XYLT1: variants seen among roughly 807,000 people sequenced by gnomAD.
The protein encoded by XYLT1 is beta-D-xylosyltransferase 1.
A neutral mutation model predicts 91.3 loss-of-function variants in XYLT1; 36 were observed. That is an observed-to-expected ratio of 0.39 (90% confidence interval 0.30 to 0.52). The LOEUF (loss-of-function observed/expected upper bound fraction) is 0.52. Among genes scored for constraint, XYLT1 ranks in the 20% least tolerant of loss-of-function variants. XYLT1 has a pLI of 0.68. For missense variants in XYLT1, 1,242 were observed against 1,284.5 expected, an observed-to-expected ratio of 0.97 and a Z score of 0.51; for synonymous variants, 588 against 532.0, an observed-to-expected ratio of 1.11 and a Z score of -1.45.
intron 1 of XYLT1, among the ~76,000 whole-genome samples, chr16:17,443,904 T>C (rs888183208): frequency 3.9e-5 from 6 of 152,110 alleles, no homozygotes; most frequent in African/African-American, 1.4e-4. Flanking sequence ...TCCATGACAC[T>C]CTCAATAAAA....
chr16:17,338,390 C>T (rs1047830844), intron 2 of XYLT1: 2 of 456,444 alleles, frequency 4.4e-6, no homozygotes, highest in Non-Finnish European at 8.8e-6. Context: ...CTGCCAAGGC[C>T]TGCTCCTCTC....
At chr16:17,315,855 C>T (rs148185795) in intron 2 of XYLT1, among the ~76,000 whole-genome samples, 50 of 152,280 alleles carry the variant, frequency 3.3e-4, no homozygotes, top group Non-Finnish European at 6.0e-4. Context: ...TTGCCCTGAT[C>T]ATGCCTCGGC....
chr16:17,414,021 C>T (rs1018237004), intron 1 of XYLT1, among the ~76,000 whole-genome samples: 4 of 152,292 alleles, frequency 2.6e-5, no homozygotes, highest in Middle Eastern at 3.4e-3. Context: ...AACTGTTTGC[C>T]CTGCCTTGCC....
chr16:17,353,693 A>C (rs2035251566), intron 2 of XYLT1, among the ~76,000 whole-genome samples: 1 of 142,382 alleles, frequency 7.0e-6, no homozygotes, highest in African/African-American at 2.8e-5. Context: ...ATCTGTGGAT[A>C]GTTGTGCTAG....
intron 2 of XYLT1, among the ~76,000 whole-genome samples, chr16:17,309,247 C>G (rs1419883085): frequency 6.6e-6 from 1 of 152,130 alleles, no homozygotes; most frequent in Non-Finnish European, 1.5e-5. Context: ...CCACTAGATG[C>G]CAGTAGCATC....
intron 3 of XYLT1, among the ~76,000 whole-genome samples, chr16:17,221,897 G>A (rs943012534): frequency 6.6e-6 from 1 of 152,126 alleles, no homozygotes; most frequent in African/African-American, 2.4e-5. Flanking sequence ...ACCCAACAAA[G>A]GCTTATTTCC....
intron 1 of XYLT1, among the ~76,000 whole-genome samples, chr16:17,389,308 C>T (rs559968879): frequency 9.2e-5 from 14 of 152,296 alleles, no homozygotes; most frequent in African/African-American, 1.7e-4. Flanking sequence ...TGCAGCGGCA[C>T]GATCCTGGCT....
chr16:17,414,642 G>A (rs1464036232), intron 1 of XYLT1, among the ~76,000 whole-genome samples: 1 of 152,152 alleles, frequency 6.6e-6, no homozygotes, highest in Non-Finnish European at 1.5e-5. Context: ...TGAGAAATGA[G>A]CAAAAGGGCA....
chr16:17,436,294 C>G (rs747367854), intron 1 of XYLT1, among the ~76,000 whole-genome samples: 1 of 152,188 alleles, frequency 6.6e-6, no homozygotes, highest in African/African-American at 2.4e-5. Context: ...AAGAGATGAG[C>G]ATGTCAAGGC....
chr16:17,319,524 C>A (rs62032047), intron 2 of XYLT1, among the ~76,000 whole-genome samples: 42,413 of 151,412 alleles, frequency 0.28, 7,311 homozygotes, highest in African/African-American at 0.49. Flanking sequence ...CTCACTGCAA[C>A]CTCTGCCTCC....
intron 2 of XYLT1, among the ~76,000 whole-genome samples, chr16:17,319,658 C>G (rs968536480): frequency 6.6e-6 from 1 of 152,130 alleles, no homozygotes; most frequent in Non-Finnish European, 1.5e-5. Context: ...CCAGGCTGGT[C>G]TTGAACTCCT....
intron 1 of XYLT1, among the ~76,000 whole-genome samples, chr16:17,400,985 TACACACACAC>T (rs71373111): frequency 2.7e-5 from 4 of 148,682 alleles, no homozygotes; most frequent in Non-Finnish European, 3.0e-5. Flanking sequence ...CTCTCTTTCA[TACACACACAC>T]ACACACACAC....
intron 5 of XYLT1, 150 bp from the exon 6 acceptor site, chr16:17,159,059 G>A (rs921164592): frequency 1.6e-5 from 11 of 668,404 alleles, no homozygotes; most frequent in African/African-American, 7.2e-5. Context: ...TCTTTATATC[G>A]CCATTTTTAT....
chr16:17,271,751 C>T (rs1013151385), intron 2 of XYLT1, among the ~76,000 whole-genome samples: 2 of 152,024 alleles, frequency 1.3e-5, no homozygotes, highest in African/African-American at 4.8e-5. Context: ...AATCACCTTC[C>T]CACCCCCGAC....
rs1247168903 is a variant in XYLT1, at chr16:17,134,765, C to T, written c.1765-30G>A. ...ACTCATGGGATTAAAAATAGAAAAG[C>T]CACATCAGCGAGTGCTGGGGGTTGG... On this transcript the variant is annotated intron_variant, in intron 8 of 11. Transcript: ENST00000261381. 3.7e-6 allele frequency: 6 copies of T among 1,608,832 alleles called. No individual in the cohort carries two copies. The African/African-American group carries it at 5.3e-5, about 14-fold the overall frequency.
At chr16:17,225,173 A>ACTCTCTCTCT (rs761445257) in intron 3 of XYLT1, among the ~76,000 whole-genome samples, 3,803 of 100,510 alleles carry the variant, frequency 0.038, 52 homozygotes, top group Admixed American at 0.057. Flanking sequence ...ACACACACAC[A>ACTCTCTCTCT]CACACTCTCT....
chr16:17,288,607 C>T (rs549946532), intron 2 of XYLT1, among the ~76,000 whole-genome samples: 15 of 152,278 alleles, frequency 9.9e-5, no homozygotes, highest in East Asian at 1.9e-4. Context: ...GCAGGTCATG[C>T]GACCTGCTTT....
intron 1 of XYLT1, among the ~76,000 whole-genome samples, chr16:17,432,854 G>A (rs776250118): frequency 6.6e-6 from 1 of 152,110 alleles, no homozygotes; most frequent in Non-Finnish European, 1.5e-5. Context: ...CGCTGGAGAT[G>A]GCACATCAAT....
chr16:17,237,430 T>G (rs1057052012), intron 3 of XYLT1, among the ~76,000 whole-genome samples: 4 of 152,140 alleles, frequency 2.6e-5, no homozygotes, highest in African/African-American at 9.6e-5. Flanking sequence ...CAATGTGTCT[T>G]GGTTGAAGAT....
Sources: allele counts gnomAD v4.1 joint callset (sites outside exome capture counted in the v4.1 genomes callset), GRCh38; gene constraint gnomAD v4.1.1; transcripts MANE v1.5; gene names NCBI Gene and HGNC (gene_info 2026-07-23, HGNC 2026-07-21).